The following GPC5 variants were observed in gnomAD, a reference collection of about 807,000 sequenced individuals.
The protein encoded by GPC5 is glypican-5.
GPC5 carries 47 observed loss-of-function variants against 53.9 expected under a neutral mutation model. The ratio of observed to expected loss-of-function variants is 0.87; its 90% CI spans 0.69 to 1.11. The LOEUF (loss-of-function observed/expected upper bound fraction) is 1.11. Among genes scored for constraint, GPC5 ranks in the 50% most tolerant of loss-of-function variants. GPC5 has a pLI of 0.00. For missense variants in GPC5, 748 were observed against 713.1 expected (o/e 1.05, Z -0.56); for synonymous variants, 286 against 263.3 (o/e 1.09, Z -0.84).
chr13:92,491,869 A>C (rs1879775003), intron 7 of GPC5, among the ~76,000 whole-genome samples: 1 of 152,112 alleles, frequency 6.6e-6, no homozygotes, highest in African/African-American at 2.4e-5. Context: ...ATTTGCCCTC[A>C]GTTTTCTTCT....
chr13:92,086,286 G>A (rs1205736066), intron 6 of GPC5, among the ~76,000 whole-genome samples: 1 of 152,150 alleles, frequency 6.6e-6, no homozygotes, highest in Non-Finnish European at 1.5e-5. Context: ...TCATTTTTAA[G>A]GAAAACTCTG....
chr13:91,875,855 T>C (rs1018233169), intron 5 of GPC5, among the ~76,000 whole-genome samples: 2 of 152,350 alleles, frequency 1.3e-5, no homozygotes, highest in South Asian at 2.1e-4. Context: ...GAAATTCATA[T>C]TGGCATAACA....
chr13:92,578,898 G>A (rs1883274687), intron 7 of GPC5, among the ~76,000 whole-genome samples: 1 of 152,068 alleles, frequency 6.6e-6, no homozygotes, highest in Admixed American at 6.6e-5. Context: ...ATGGACGAAT[G>A]ATATTATCCA....
At position 91,898,320 on chromosome 13, in the gene GPC5, C is replaced by A. The variant is rs181731075; in HGVS notation, c.1281-9617C>A. Reference sequence around the variant, plus strand: ...CCAAAAAATAGCTGCTGACAATATGCAGATACTATTTTATTAACTAATGAC... The same window carrying A: ...CCAAAAAATAGCTGCTGACAATATGAAGATACTATTTTATTAACTAATGAC... On this transcript the variant is annotated intron_variant, in intron 5 of 7. Coordinates refer to ENST00000377067, the MANE Select transcript of GPC5 (RefSeq NM_004466.6). Among the ~76,000 whole-genome samples the A allele has an allele frequency of 1.1e-4, 17 of 152,278 alleles. No homozygotes were observed. In the East Asian group the frequency reaches 3.3e-3, roughly 29 times the overall value.
At chr13:91,649,797 A>G (rs1201377358) in intron 2 of GPC5, among the ~76,000 whole-genome samples, 2 of 152,146 alleles carry the variant, frequency 1.3e-5, no homozygotes, top group Non-Finnish European at 2.9e-5. Flanking sequence ...TATACTCCAC[A>G]TGGCTTGTAT....
intron 5 of GPC5, among the ~76,000 whole-genome samples, chr13:91,766,488 C>T: frequency 6.6e-6 from 1 of 152,306 alleles, no homozygotes; most frequent in East Asian, 1.9e-4. Flanking sequence ...CTAAGGTTGT[C>T]AATAAAGATT....
intron 7 of GPC5, among the ~76,000 whole-genome samples, chr13:92,281,606 C>T (rs2042916185): frequency 6.6e-6 from 1 of 152,182 alleles, no homozygotes; most frequent in Non-Finnish European, 1.5e-5. Flanking sequence ...CGCTGTTCTG[C>T]CACCTCTGCT....
At chr13:91,614,928 C>T (rs1329333426) in intron 2 of GPC5, among the ~76,000 whole-genome samples, 1 of 152,154 alleles carries the variant, frequency 6.6e-6, no homozygotes, top group Non-Finnish European at 1.5e-5. Context: ...TTTTCAGTGT[C>T]CATTTCTTTT....
At chr13:92,560,651 T>A (rs1409561777) in intron 7 of GPC5, among the ~76,000 whole-genome samples, 2 of 151,890 alleles carry the variant, frequency 1.3e-5, no homozygotes, top group East Asian at 1.9e-4. Context: ...GGTGGAAAGG[T>A]CCCAGTTTAG....
At chr13:91,962,244 C>T (rs1317030929) in intron 6 of GPC5, among the ~76,000 whole-genome samples, 1 of 151,990 alleles carries the variant, frequency 6.6e-6, no homozygotes, top group Non-Finnish European at 1.5e-5. Context: ...TTAGAAAATG[C>T]CAAAATGATA....
chr13:92,712,460 CAAACA>C (rs930371174), intron 7 of GPC5, among the ~76,000 whole-genome samples: 12 of 10,352 alleles, frequency 1.2e-3, no homozygotes, highest in South Asian at 0.027. Context: ...AACAAACAAA[CAAACA>C]AAAAAAAAAC....
At chr13:92,166,946 T>A (rs1048349046) in intron 7 of GPC5, among the ~76,000 whole-genome samples, 8 of 69,044 alleles carry the variant, frequency 1.2e-4, no homozygotes, top group East Asian at 8.4e-4. Context: ...TCTCTCTCTC[T>A]CTCTCTCTCT....
chr13:91,617,586 T>A (rs1285915435), intron 2 of GPC5, among the ~76,000 whole-genome samples: 26 of 152,112 alleles, frequency 1.7e-4, no homozygotes, highest in Admixed American at 1.7e-3. Context: ...GACAAGCAAC[T>A]CTTTGATCTA....
intron 5 of GPC5, among the ~76,000 whole-genome samples, chr13:91,813,029 G>T (rs979929479): frequency 5.3e-5 from 8 of 152,138 alleles, no homozygotes; most frequent in African/African-American, 1.9e-4. Flanking sequence ...AAGTGTCACG[G>T]AAGTACTACA....
At chr13:92,385,331 TATATACATATATATAC>T (rs1480202083) in intron 7 of GPC5, among the ~76,000 whole-genome samples, 4 of 126,398 alleles carry the variant, frequency 3.2e-5, no homozygotes, top group Non-Finnish European at 4.8e-5. Context: ...CATATATACA[TATATACATATATATAC>T]ATATATACAT....
At chr13:92,536,489 G>A (rs1052238654) in intron 7 of GPC5, among the ~76,000 whole-genome samples, 8 of 152,156 alleles carry the variant, frequency 5.3e-5, no homozygotes, top group Non-Finnish European at 7.4e-5. Flanking sequence ...TTGGAAAGCA[G>A]TCTGGTAATT....
intron 4 of GPC5, among the ~76,000 whole-genome samples, chr13:91,754,500 A>C (rs916759370): frequency 6.6e-6 from 1 of 152,064 alleles, no homozygotes; most frequent in Non-Finnish European, 1.5e-5. Flanking sequence ...AGGGTCCATA[A>C]AAATATTTAC....
intron 3 of GPC5, among the ~76,000 whole-genome samples, chr13:91,723,979 G>A (rs1342926095): frequency 1.3e-5 from 2 of 152,142 alleles, no homozygotes; most frequent in Non-Finnish European, 2.9e-5. Context: ...TGAAGAATTA[G>A]CTTCTCCAAC....
At chr13:92,165,027 T>C (rs9556157) in intron 7 of GPC5, among the ~76,000 whole-genome samples, 7,780 of 152,252 alleles carry the variant, frequency 0.051, 477 homozygotes, top group African/African-American at 0.14. Flanking sequence ...GATAAGGCCC[T>C]TGGGCCTGGC....
Sources: allele counts gnomAD v4.1 joint callset (sites outside exome capture counted in the v4.1 genomes callset), GRCh38; gene constraint gnomAD v4.1.1; transcripts MANE v1.5; gene names NCBI Gene and HGNC (gene_info 2026-07-23, HGNC 2026-07-21).